The following SNAP91 variants were observed in gnomAD, a reference collection of about 807,000 sequenced individuals.
SNAP91 encodes the protein synaptosome associated protein 91.
A neutral mutation model predicts 100.3 loss-of-function variants in SNAP91; 27 were observed. The ratio of observed to expected loss-of-function variants is 0.27; its 90% confidence interval spans 0.20 to 0.37. SNAP91 has a LOEUF of 0.37. SNAP91 is among the 10% of genes least tolerant of loss of function. The probability of loss-of-function intolerance (pLI) is 1.00; values close to 1 mark genes in which losing one functional copy is unlikely to be tolerated. For synonymous variants in SNAP91, 404 were observed against 398.6 expected (o/e 1.01, Z -0.16); for missense variants, 986 against 1,123.7 (o/e 0.88, Z 1.75).
At chr6:83,663,570 T>C (rs1386518757) in intron 3 of SNAP91, among the ~76,000 whole-genome samples, 1 of 152,134 alleles carries the variant, frequency 6.6e-6, no homozygotes, top group African/African-American at 2.4e-5. Context: ...CCTCAACTTT[T>C]TTTCAATTCT....
intron 22 of SNAP91, among the ~76,000 whole-genome samples, chr6:83,590,957 T>TG (rs149715336): frequency 0.027 from 4,173 of 152,182 alleles, 192 homozygotes; most frequent in African/African-American, 0.093. Context: ...GTTTTAGATT[T>TG]GGGGGGGCAA....
At chr6:83,619,742 G>C (rs531729459) in intron 9 of SNAP91, among the ~76,000 whole-genome samples, 1 of 152,174 alleles carries the variant, frequency 6.6e-6, no homozygotes, top group African/African-American at 2.4e-5. Context: ...TTTACATTTG[G>C]AATGTACACA....
chr6:83,703,070 C>T (rs2099335014), intron 2 of SNAP91, among the ~76,000 whole-genome samples: 1 of 151,944 alleles, frequency 6.6e-6, no homozygotes, highest in African/African-American at 2.4e-5. Flanking sequence ...GTGCATCTCC[C>T]CCATCTCTTC....
At chr6:83,696,060 A>T (rs756101693) in intron 2 of SNAP91, among the ~76,000 whole-genome samples, 3 of 152,140 alleles carry the variant, frequency 2.0e-5, no homozygotes, top group Non-Finnish European at 2.9e-5. Context: ...GGGTACAGTC[A>T]TGCTCACTCA....
intron 7 of SNAP91, among the ~76,000 whole-genome samples, chr6:83,655,017 C>T (rs2098357311): frequency 1.3e-5 from 2 of 152,112 alleles, no homozygotes; most frequent in East Asian, 3.9e-4. Flanking sequence ...GTCATACTCC[C>T]ATAGGATATC....
intron 2 of SNAP91, among the ~76,000 whole-genome samples, chr6:83,687,588 G>T (rs1166008386): frequency 6.6e-6 from 1 of 152,126 alleles, no homozygotes; most frequent in African/African-American, 2.4e-5. Context: ...TAAACCCTTT[G>T]AAAGTTTGGC....
chr6:83,576,424 T>C (rs1402960451), intron 24 of SNAP91, among the ~76,000 whole-genome samples: 8 of 152,214 alleles, frequency 5.3e-5, no homozygotes, highest in African/African-American at 1.9e-4. Context: ...CCTACACTAC[T>C]ATTTGTACAC....
rs13215382 is a variant in SNAP91, at chr6:83,689,916, T to C, written c.130+17882A>G. ...TTTTCTCAAGATATAAAATTTCATCTTAAGTATATTACTATAATTGTCTCA... is the reference window on the plus strand; with the variant it reads ...TTTTCTCAAGATATAAAATTTCATCCTAAGTATATTACTATAATTGTCTCA... On this transcript the variant is annotated intron_variant, in intron 2 of 29. Coordinates refer to ENST00000369694, the MANE Select transcript of SNAP91 (RefSeq NM_001242792.2). Among the ~76,000 whole-genome samples the C allele has an allele frequency of 2.6e-5, 4 of 151,930 alleles. No homozygotes were observed. The East Asian group carries it at 7.7e-4, about 29-fold the overall frequency.
chr6:83,612,796 C>T (rs1305005091), intron 11 of SNAP91, among the ~76,000 whole-genome samples: 1 of 149,618 alleles, frequency 6.7e-6, no homozygotes. Context: ...GAGGCTGAGG[C>T]AGGAGAATCG....
At chr6:83,594,559 T>C (rs2094237652) in intron 16 of SNAP91, 78 bp from the exon 17 acceptor site, 2 of 892,538 alleles carry the variant, frequency 2.2e-6, no homozygotes, top group African/African-American at 3.4e-5. Context: ...CCAAGTTAAA[T>C]TGTGAAGAAG....
chr6:83,620,840 T>C (rs1458904973), intron 9 of SNAP91, among the ~76,000 whole-genome samples: 2 of 151,900 alleles, frequency 1.3e-5, no homozygotes, highest in Non-Finnish European at 2.9e-5. Flanking sequence ...GCCTCCCAAG[T>C]AGCCGGGACT....
chr6:83,659,135 G>A (rs1264759482), intron 5 of SNAP91, 43 bp from the exon 6 acceptor site: 8 of 1,423,224 alleles, frequency 5.6e-6, no homozygotes, highest in African/African-American at 2.9e-5. Context: ...CATTGGATAT[G>A]GACAATTCAA....
chr6:83,695,517 A>T (rs2099194868), intron 2 of SNAP91, among the ~76,000 whole-genome samples: 1 of 152,134 alleles, frequency 6.6e-6, no homozygotes, highest in South Asian at 2.1e-4. Context: ...GATGCAACAA[A>T]TTTGGGGGAA....
intron 13 of SNAP91, among the ~76,000 whole-genome samples, chr6:83,607,329 TTGTG>T (rs61335064): frequency 1.1e-3 from 159 of 144,868 alleles, no homozygotes; most frequent in Middle Eastern, 3.5e-3. Context: ...CCAAGTTGGG[TTGTG>T]TGTGTGTGTG....
chr6:83,560,901 G>T lies in SNAP91; in HGVS notation c.2489C>A (p.Ala830Asp). ...PTSSVPPVAG[A>D]PSVGQPGAGF... ...TGCTCCAGGTTGTCCAACCGATGGG[G>T]CCCCGGCAACAGGAGGAACTGAACT... The change falls in exon 27 of 30, where the codon GCC (alanine) becomes GAC (aspartate). Residue 830 changes from alanine (A) to aspartate (D), a missense_variant. This residue lies in a region of SNAP91 where 575 missense variants were observed against 579.9 expected (regional missense o/e 0.99). Coordinates refer to ENST00000369694, the MANE Select transcript of SNAP91 (RefSeq NM_001242792.2). 6.2e-7 allele frequency: 1 copy of T among 1,613,650 alleles called. No homozygotes were observed. Among genetic ancestry groups the T allele is most frequent in the South Asian group, 1.1e-5 (1 of 91,012 alleles).
intron 22 of SNAP91, among the ~76,000 whole-genome samples, chr6:83,587,729 G>GTTT (rs1188305622): frequency 1.3e-5 from 2 of 151,936 alleles, no homozygotes; most frequent in East Asian, 3.8e-4. Flanking sequence ...TGTGACTGTG[G>GTTT]TTTTATATTG....
At chr6:83,637,579 G>A (rs1163294119) in intron 8 of SNAP91, among the ~76,000 whole-genome samples, 1 of 152,182 alleles carries the variant, frequency 6.6e-6, no homozygotes, top group Non-Finnish European at 1.5e-5. Context: ...ATTTTGACTG[G>A]CTAGACTTGT....
intron 7 of SNAP91, among the ~76,000 whole-genome samples, chr6:83,641,644 C>G (rs992750809): frequency 6.6e-6 from 1 of 152,174 alleles, no homozygotes. Flanking sequence ...ATAAACCTTC[C>G]TGAATTAAAG....
chr6:83,585,668 G>T (rs1177329934), intron 22 of SNAP91, among the ~76,000 whole-genome samples: 1 of 152,050 alleles, frequency 6.6e-6, no homozygotes, highest in East Asian at 1.9e-4. Flanking sequence ...TCAACCATCT[G>T]TTGATACACT....
Sources: gnomAD v4.1 joint callset for allele counts (sites outside exome capture counted in the v4.1 genomes callset) on GRCh38, gnomAD v4.1.1 for gene constraint, gnomAD v4.1.1 regional missense constraint, MANE v1.5 for transcripts, NCBI Gene and HGNC (gene_info 2026-07-23, HGNC 2026-07-21) for gene names.